DMXL1: variants seen among roughly 807,000 people sequenced by gnomAD.
DMXL1 encodes the protein Dmx like 1, also known as dmX-like protein 1.
A neutral mutation model predicts 319.2 loss-of-function variants in DMXL1; 99 were observed. The observed-to-expected ratio is 0.31, with a 90% CI of 0.26 to 0.37. DMXL1 has a LOEUF of 0.37. Among genes scored for constraint, DMXL1 ranks in the 10% least tolerant of loss-of-function variants. The pLI, the probability that DMXL1 is intolerant of heterozygous loss-of-function variation, is 1.00. For synonymous variants in DMXL1, 1,385 were observed against 1,235.2 expected (o/e 1.12, Z -2.54); for missense variants, 3,745 against 3,595.6 (o/e 1.04, Z -1.06).
chr5:119,099,593 C>CT (rs1445566391), intron 2 of DMXL1, among the ~76,000 whole-genome samples: 1 of 152,128 alleles, frequency 6.6e-6, no homozygotes, highest in African/African-American at 2.4e-5. Flanking sequence ...TGTATAAAAA[C>CT]TTGCTTAATA....
chr5:119,202,752 G>A (rs563120976), intron 32 of DMXL1, among the ~76,000 whole-genome samples: 214 of 151,284 alleles, frequency 1.4e-3, no homozygotes, highest in African/African-American at 4.4e-3. Flanking sequence ...TCGGGAGGCT[G>A]AGGCAGGAGA....
chr5:119,148,915 A>G lies in DMXL1; in HGVS notation c.3088A>G (p.Ile1030Val), dbSNP rs1769169878. 7 of 1,613,922 alleles carry G rather than the reference A, an allele frequency of 4.3e-6. No homozygotes were observed. Among genetic ancestry groups the G allele is most frequent in the Non-Finnish European group, 5.9e-6 (7 of 1,179,846 alleles). Residue 1030 changes from isoleucine (I) to valine (V), a missense_variant, in exon 18 of 44, where the codon ATT becomes GTT. By Grantham distance (29) the Ile-to-Val change is conservative. Coordinates refer to ENST00000539542, the MANE Select transcript of DMXL1 (RefSeq NM_001290321.3). The stretch of plus-strand genomic sequence containing the variant: ...CATTTGGGAAGAATGGCCATTACTT[A>G]TTGAAGATGGACTTCAGAGCAATAG... Reference protein sequence around the residue: ...AYIWEEWPLLIEDGLQSNSSI... With the variant: ...AYIWEEWPLLVEDGLQSNSSI...
intron 37 of DMXL1, among the ~76,000 whole-genome samples, chr5:119,224,136 G>A (rs771167118): frequency 6.6e-6 from 1 of 151,928 alleles, no homozygotes; most frequent in Non-Finnish European, 1.5e-5. Flanking sequence ...AAATCCAAAA[G>A]AATAACAATA....
intron 19 of DMXL1, among the ~76,000 whole-genome samples, chr5:119,160,144 T>TAC (rs1771969254): frequency 6.6e-6 from 1 of 152,110 alleles, no homozygotes; most frequent in South Asian, 2.1e-4. Context: ...CAGAGATATA[T>TAC]ATATATATAT....
At chr5:119,144,407 C>T (rs1018018279) in intron 14 of DMXL1, 129 bp from the exon 15 acceptor site, 30 of 673,274 alleles carry the variant, frequency 4.5e-5, no homozygotes, top group Non-Finnish European at 6.2e-5. Context: ...CATACGCTTA[C>T]GTTCTGCTGA....
chr5:119,145,776 CA>C (rs1768388966), intron 15 of DMXL1, among the ~76,000 whole-genome samples: 1 of 151,474 alleles, frequency 6.6e-6, no homozygotes, highest in African/African-American at 2.4e-5. Flanking sequence ...TACTTTTACC[CA>C]AAAACTATTA....
chr5:119,149,259 G>T lies in DMXL1; in HGVS notation c.3432G>T (p.Trp1144Cys). Residue 1144 changes from tryptophan to cysteine, a missense_variant, in exon 18 of 44, where the codon TGG becomes TGT. Physicochemically the swap from Trp to Cys is radical, Grantham distance 215 (BLOSUM62 -2). Transcript: ENST00000539542. Reference protein sequence around the residue: ...SNTKHLVHLDWMSREDGSHIL... With the variant: ...SNTKHLVHLDCMSREDGSHIL... The stretch of plus-strand genomic sequence containing the variant: ...CAAAGCATTTAGTTCACTTAGATTG[G>T]ATGTCTAGAGAAGACGGTTCTCATA... The T allele has an allele frequency of 6.2e-7, 1 of 1,613,890 alleles. No homozygotes were observed. Among genetic ancestry groups the T allele is most frequent in the Non-Finnish European group, 8.5e-7 (1 of 1,179,874 alleles).
At position 119,203,406 on chromosome 5, in the gene DMXL1, T is replaced by C. The variant is rs1781175840; in HGVS notation, c.7833T>C (p.Asn2611=). ...AAATTCAGGAAACCTTTATCAAAAA[T>C]ATATTCACAAAGAAACGGTGTCTAA... is the stretch of plus-strand genomic sequence containing the variant. ...QEEIQETFIK[N]IFTKKRCLNE... The change falls in exon 33 of 44, where the codon AAT becomes AAC. Residue 2611 remains asparagine (N), a synonymous_variant. Transcript: ENST00000539542. The C allele has an allele frequency of 6.2e-7, 1 of 1,604,248 alleles. No individual in the cohort carries two copies. Among genetic ancestry groups the C allele is most frequent in the Non-Finnish European group, 8.5e-7 (1 of 1,175,758 alleles).
rs138117967 is a variant in DMXL1 at position 119,143,188 on chromosome 5, G to T, written c.2377-653G>T. The stretch of plus-strand genomic sequence containing the variant: ...AACAAAGCCCTGTGACATGAGTTTA[G>T]CACACGTACTCCCAAACCTACAATG... On this transcript the variant is annotated intron_variant, in intron 13 of 43. Coordinates refer to ENST00000539542, the MANE Select transcript of DMXL1 (RefSeq NM_001290321.3). Among the ~76,000 whole-genome samples the T allele has an allele frequency of 1.1e-3, 164 of 151,968 alleles. No homozygotes were observed. The Middle Eastern group carries it at 0.02, about 19-fold the overall frequency.
rs771593181 is a variant in DMXL1 at position 119,097,976 on chromosome 5, T to C, written c.88-3T>C. 4 of 1,602,722 alleles carry C rather than the reference T, an allele frequency of 2.5e-6. No individual in the cohort carries two copies. In the African/African-American group the frequency reaches 5.4e-5, roughly 22 times the overall value. On this transcript the variant is annotated splice_region_variant and splice_polypyrimidine_tract_variant and intron_variant, in intron 1 of 43. Coordinates refer to ENST00000539542, the MANE Select transcript of DMXL1 (RefSeq NM_001290321.3). ...TATCATTTTTATTTATTTATTTTTT[T>C]AGGCTTATGCATCTGGATGTGACAT... is the stretch of plus-strand genomic sequence containing the variant.
Position 119,164,629 on chromosome 5 carries a change from G to A in DMXL1, c.4825G>A (p.Gly1609Arg). The change falls in exon 20 of 44, where the codon GGG becomes AGG. Residue 1609 changes from glycine (G) to arginine (R), a missense_variant. Transcript: ENST00000539542. Reference protein sequence around the residue: ...TWSELRAMGVGWWVRNTRILR... With the variant: ...TWSELRAMGVRWWVRNTRILR... The stretch of plus-strand genomic sequence containing the variant: ...GTCTGAACTAAGAGCTATGGGTGTG[G>A]GGTGGTGGGTCCGGAATACCCGCAT... The A allele has an allele frequency of 1.2e-6, 2 of 1,613,388 alleles. No individual in the cohort carries two copies. The highest frequency in any genetic ancestry group is 1.7e-6 in the Non-Finnish European group (2 of 1,179,502).
At chr5:119,128,950 G>C (rs1764204165) in intron 9 of DMXL1, among the ~76,000 whole-genome samples, 1 of 152,018 alleles carries the variant, frequency 6.6e-6, no homozygotes, top group Admixed American at 6.6e-5. Flanking sequence ...TGTAATCACA[G>C]CTACTCGGGA....
chr5:119,088,823 A>T (rs967708698), intron 1 of DMXL1, among the ~76,000 whole-genome samples: 5 of 152,088 alleles, frequency 3.3e-5, no homozygotes, highest in Non-Finnish European at 7.4e-5. Flanking sequence ...CTGTTTTTAT[A>T]TTGCCTGTCT....
At position 119,116,320 on chromosome 5, in the gene DMXL1, A is replaced by T; in HGVS notation, c.727A>T (p.Ser243Cys). The change falls in exon 7 of 44, where the codon AGC (serine) becomes TGC (cysteine). Residue 243 changes from serine (S) to cysteine (C), a missense_variant. Ser to Cys is a moderately radical substitution (Grantham distance 112). This residue lies in a region of DMXL1 where 2,096 missense variants were observed against 1,985.4 expected (regional missense o/e 1.06). Transcript: ENST00000539542. ...AVNGFSWRKT[S>C]KYMPRASVCN... ...AAATGGATTTTCCTGGCGTAAAACA[A>T]GCAAATATATGCCTAGGTCAGTGGA... 6.2e-7 allele frequency: 1 copy of T among 1,613,998 alleles called. No homozygotes were observed. Among genetic ancestry groups the T allele is most frequent in the Non-Finnish European group, 8.5e-7 (1 of 1,179,948 alleles).
Position 119,170,849 on chromosome 5 carries a change from T to C in DMXL1, c.6058T>C (p.Ser2020Pro), listed in dbSNP as rs772967302. 1 of 1,612,262 alleles carries C rather than the reference T, an allele frequency of 6.2e-7. No individual in the cohort carries two copies. Among genetic ancestry groups the C allele is most frequent in the African/African-American group, 1.3e-5 (1 of 74,444 alleles). ...TLDENDLLNP[S>P]EDIIAVQLKF... ...AGATGAAAATGACCTTTTAAATCCA[T>C]CAGAAGATATAATTGCAGTTCAGTT... The change falls in exon 24 of 44, where the codon TCA (serine) becomes CCA (proline). Residue 2020 changes from serine (S) to proline (P), a missense_variant. By Grantham distance (74) the Ser-to-Pro change is moderately conservative. This residue lies in a region of DMXL1 where 1,382 missense variants were observed against 1,269.5 expected (regional missense o/e 1.09). Coordinates refer to ENST00000539542, the MANE Select transcript of DMXL1 (RefSeq NM_001290321.3).
chr5:119,209,781 GTCTA>G (rs1159468659), intron 34 of DMXL1, among the ~76,000 whole-genome samples: 2 of 152,084 alleles, frequency 1.3e-5, no homozygotes, highest in Non-Finnish European at 2.9e-5. Context: ...TTTGCCATTT[GTCTA>G]TCTTTCTGCA....
intron 29 of DMXL1, 43 bp from the exon 30 acceptor site, chr5:119,193,785 A>G (rs771409081): frequency 1.2e-5 from 19 of 1,580,250 alleles, no homozygotes; most frequent in Non-Finnish European, 1.6e-5. Flanking sequence ...AATGTATTAA[A>G]TTAGATATGT....
rs1749489340 is a variant in DMXL1 at position 119,071,349 on chromosome 5, C to A, written c.-221C>A. ...GACAGGTGCGCGAAGGAGCGCGGCG[C>A]TCCGCCCTCTCGCCGACCCGCCCCC... On this transcript the variant is annotated 5_prime_UTR_variant, in exon 1 of 44. Coordinates refer to ENST00000539542, the MANE Select transcript of DMXL1 (RefSeq NM_001290321.3). 1.8e-6 allele frequency: 1 copy of A among 541,598 alleles called. No homozygotes were observed. The highest frequency in any genetic ancestry group is 2.1e-5 in the African/African-American group (1 of 48,688). The allele number at this position is 541,598 out of a possible 1,614,324, so 33.5% of individuals were successfully genotyped here.
intron 38 of DMXL1, among the ~76,000 whole-genome samples, chr5:119,227,551 A>G (rs746718907): frequency 1.3e-5 from 2 of 151,178 alleles, no homozygotes; most frequent in Admixed American, 1.3e-4. Flanking sequence ...GATAGTCTTT[A>G]CTCTTCTGTA....
Sources: gnomAD v4.1 joint callset for allele counts (sites outside exome capture counted in the v4.1 genomes callset) on GRCh38, gnomAD v4.1.1 for gene constraint, gnomAD v4.1.1 regional missense constraint, MANE v1.5 for transcripts, NCBI Gene and HGNC (gene_info 2026-07-23, HGNC 2026-07-21) for gene names.